The following BMP4 variants were observed in gnomAD, a reference collection of about 807,000 sequenced individuals.
BMP4 encodes the protein bone morphogenetic protein 4, also known as bone morphogenetic protein 2B.
In BMP4, 3 loss-of-function variants were observed where a neutral mutation model predicts 29.6. That is an observed-to-expected ratio of 0.10 (90% CI 0.05 to 0.26). The LOEUF is 0.26. Ranked by LOEUF, BMP4 falls within the 10% of genes least tolerant of loss-of-function variation. BMP4 has a pLI of 1.00. For synonymous variants in BMP4, 197 were observed against 213.2 expected, an observed-to-expected ratio of 0.92 and a Z score of 0.66; for missense variants, 455 against 550.2, an observed-to-expected ratio of 0.83 and a Z score of 1.73.
chr14:53,956,418 C>T (rs1196894234), intron 1 of BMP4, 132 bp downstream of exon 1: 3 of 398,058 alleles, frequency 7.5e-6, no homozygotes, highest in Non-Finnish European at 1.3e-5. Context: ...AGCATCCCCA[C>T]CTCCAGCACC....
rs552812064 is a variant in BMP4 at position 53,955,718 on chromosome 14, C to T, written c.-133+832G>A. The T allele has an allele frequency of 6.6e-6, 1 of 152,310 alleles. No homozygotes were observed. The highest frequency in any genetic ancestry group is 2.1e-4 in the South Asian group (1 of 4,830). The allele number at this position is 152,310 out of a possible 1,614,324, so 9.4% of individuals were successfully genotyped here. A position where few individuals can be genotyped will look rare whatever the true frequency, so the allele number is the denominator to read the frequency against. ...CGGACCAACTCCCGCTGGAAGAAGCCTGCAGGGACTCGGGAATCACGGGAA... is the reference window on the plus strand; with the variant it reads ...CGGACCAACTCCCGCTGGAAGAAGCTTGCAGGGACTCGGGAATCACGGGAA... On this transcript the variant is annotated intron_variant, in intron 1 of 3. Transcript: ENST00000245451. This position sits in a 1 kb window ranked among gnomAD's most constrained non-coding sequence, Gnocchi z 4.0.
At chr14:53,953,448 T>C (rs753793078) in intron 1 of BMP4, 48 bp from the exon 2 acceptor site, 4 of 398,472 alleles carry the variant, frequency 1.0e-5, no homozygotes, top group African/African-American at 2.1e-5. Flanking sequence ...AGACAGGCTC[T>C]GTTTTTCTTC....
intron 3 of BMP4, chr14:53,951,553 G>A (rs2140236877): frequency 2.7e-6 from 1 of 375,400 alleles, no homozygotes; most frequent in Admixed American, 4.2e-5. Flanking sequence ...TTCAGTAGGT[G>A]CTTTGAAAAA....
chr14:53,949,971 T>C lies in BMP4; in HGVS notation c.*61A>G. On this transcript the variant is annotated 3_prime_UTR_variant, in exon 4 of 4. Transcript: ENST00000245451. ...GTGAGTGGATGGGAACGTGTGTGTG[T>C]GGTGTATGTGGTGTGTGTGTGTGGT... 1 of 1,577,272 alleles carries C rather than the reference T, an allele frequency of 6.3e-7. No individual in the cohort carries two copies. Among genetic ancestry groups the C allele is most frequent in the Non-Finnish European group, 8.7e-7 (1 of 1,152,494 alleles).
rs1895658573 is a variant in BMP4 at position 53,955,065 on chromosome 14, G to GCGCCCGGCAAGAGC, written c.-133+1471_-133+1484dup. On this transcript the variant is annotated intron_variant, in intron 1 of 3. Transcript: ENST00000245451. This position sits in a 1 kb window ranked among gnomAD's most constrained non-coding sequence, Gnocchi z 4.0. ...CGCGGGCGCCCCTGCGCGACCGTCCGCGCCCGGCAAGAGCCGCGCGGCTTT... is the reference window on the plus strand; with the variant it reads ...CGCGGGCGCCCCTGCGCGACCGTCCGCGCCCGGCAAGAGCCGCCCGGCAAGAGCCGCGCGGCTTT... Among the ~76,000 whole-genome samples the GCGCCCGGCAAGAGC allele has an allele frequency of 6.6e-6, 1 of 152,220 alleles. No individual in the cohort carries two copies. The highest frequency in any genetic ancestry group is 1.5e-5 in the Non-Finnish European group (1 of 68,036).
Position 53,951,920 on chromosome 14 carries a change from G to T in BMP4, c.303C>A (p.Ser101Arg), listed in dbSNP as rs1196073983. The T allele has an allele frequency of 6.2e-7, 1 of 1,604,600 alleles. No individual in the cohort carries two copies. The highest frequency in any genetic ancestry group is 1.1e-5 in the South Asian group (1 of 91,084). The stretch of plus-strand genomic sequence containing the variant: ...GGCGCTCAGGATACTCAAGACCAGT[G>T]CTGTGGATCTGCTCTTCCTCCTCCT... ...SGEEEEEQIH[S>R]TGLEYPERPA... The change falls in exon 3 of 4, where the codon AGC becomes AGA. Residue 101 changes from serine to arginine, a missense_variant. Physicochemically the swap from Ser to Arg is moderately radical, Grantham distance 110 (BLOSUM62 -1). Transcript: ENST00000245451.
chr14:53,953,822 G>A lies in BMP4; in HGVS notation c.-132-422C>T, dbSNP rs538671235. Among the ~76,000 whole-genome samples the A allele has an allele frequency of 2.6e-5, 4 of 152,116 alleles. 1 individual carries two copies. The East Asian group carries it at 7.8e-4, about 30-fold the overall frequency. ...CCCAGCTCGAACCCGGCTTAAGTGGGGCCGGGAGCGAGGTCGGGAAAGTCT... is the reference window on the plus strand; with the variant it reads ...CCCAGCTCGAACCCGGCTTAAGTGGAGCCGGGAGCGAGGTCGGGAAAGTCT... On this transcript the variant is annotated intron_variant, in intron 1 of 3. Transcript: ENST00000245451.
rs763977479 is a variant in BMP4 at position 53,951,766 on chromosome 14, C to T, written c.370+87G>A. 9.7e-6 allele frequency: 15 copies of T among 1,546,748 alleles called. No homozygotes were observed. In the Middle Eastern group the frequency reaches 2.1e-3, roughly 221 times the overall value. ...CTCCTGGACTGGGGCTTTGATGTAA[C>T]CCGAACTCTTCTTCCCCAGGGCTTT... On this transcript the variant is annotated intron_variant, in intron 3 of 3. Coordinates refer to ENST00000245451, the MANE Select transcript of BMP4 (RefSeq NM_001202.6).
At chr14:53,952,772 G>A (rs1397515672) in intron 2 of BMP4, among the ~76,000 whole-genome samples, 4 of 152,186 alleles carry the variant, frequency 2.6e-5, no homozygotes, top group Non-Finnish European at 5.9e-5. Flanking sequence ...TCCAGAAGCC[G>A]AGAAGGTGGT....
chr14:53,956,725 G>A lies in BMP4; in HGVS notation c.-308C>T, dbSNP rs1355943956. The A allele has an allele frequency of 5.0e-6, 2 of 399,126 alleles. No homozygotes were observed. Among genetic ancestry groups the A allele is most frequent in the East Asian group, 3.6e-5 (1 of 28,076 alleles). The allele number at this position is 399,126 out of a possible 1,614,324, so 24.7% of individuals were successfully genotyped here. A position where few individuals can be genotyped will look rare whatever the true frequency, so the allele number is the denominator to read the frequency against. On this transcript the variant is annotated 5_prime_UTR_variant, in exon 1 of 4. Coordinates refer to ENST00000245451, the MANE Select transcript of BMP4 (RefSeq NM_001202.6). The stretch of plus-strand genomic sequence containing the variant: ...CAGCCGGAGCAGCAGCGGCGTCTCA[G>A]GCTCGCGTCCCTCAGCTCGGATGCC...
intron 3 of BMP4, chr14:53,951,547 G>A (rs1392585416): frequency 5.5e-6 from 2 of 365,602 alleles, no homozygotes; most frequent in Non-Finnish European, 1.0e-5. Flanking sequence ...ATTAAATTCA[G>A]TAGGTGCTTT....
Position 53,949,933 on chromosome 14 carries a change from G to T in BMP4, c.*99C>A, listed in dbSNP as rs1444335412. The T allele has an allele frequency of 8.1e-6, 10 of 1,228,302 alleles. No individual in the cohort carries two copies. The highest frequency in any genetic ancestry group is 5.1e-5 in the South Asian group (4 of 77,920). 76.1% of individuals were successfully genotyped at this position (1,228,302 alleles called of 1,614,324 possible). ...AAGTCCAGCTATAAGGAAGCAGTCT[G>T]TGTAGTGTGTGGGTGAGTGGATGGG... On this transcript the variant is annotated 3_prime_UTR_variant, in exon 4 of 4. Transcript: ENST00000245451.
chr14:53,954,901 C>T lies in BMP4; in HGVS notation c.-132-1501G>A, dbSNP rs76953585. 0.054 allele frequency among the ~76,000 whole-genome samples: 8,293 copies of T among 152,294 alleles called. 491 individuals carry two copies. Among genetic ancestry groups the T allele is most frequent in the African/African-American group, 0.14 (5,931 of 41,540 alleles). On this transcript the variant is annotated intron_variant, in intron 1 of 3. Coordinates refer to ENST00000245451, the MANE Select transcript of BMP4 (RefSeq NM_001202.6). This position sits in a 1 kb window ranked among gnomAD's most constrained non-coding sequence, Gnocchi z 4.8. ...GGGTTGCCTGCCGCCCCACTCTCCA[C>T]GCACATACTTGGTTTTCTTCTTAGG...
chr14:53,952,873 A>G (rs1010871045), intron 2 of BMP4, among the ~76,000 whole-genome samples: 2 of 152,166 alleles, frequency 1.3e-5, no homozygotes, highest in Non-Finnish European at 2.9e-5. Flanking sequence ...GTGCCCGCTC[A>G]TCCCCAGGGA....
rs1352265535 is a variant in BMP4 at position 53,954,398 on chromosome 14, C to G, written c.-132-998G>C. 1 of 152,102 alleles carries G rather than the reference C, an allele frequency of 6.6e-6. No homozygotes were observed. The highest frequency in any genetic ancestry group is 2.4e-5 in the African/African-American group (1 of 41,408). 9.4% of individuals were successfully genotyped at this position (152,102 alleles called of 1,614,324 possible). ...TGGCCGAGGTTTTACAACTCCCGAC[C>G]CGGCGCAGAAAGGAAATCCCACCAT... On this transcript the variant is annotated intron_variant, in intron 1 of 3. Transcript: ENST00000245451. This position sits in a 1 kb window ranked among gnomAD's most constrained non-coding sequence, Gnocchi z 4.8.
chr14:53,951,826 C>T, intron 3 of BMP4, 27 bp downstream of exon 3: 1 of 1,598,006 alleles, frequency 6.3e-7, no homozygotes, highest in Non-Finnish European at 8.5e-7. Flanking sequence ...CAGCCCTCCC[C>T]CACGCAGACT....
chr14:53,951,953 C>T lies in BMP4; in HGVS notation c.270G>A (p.Gln90=). ...TCTGCTCTTCCTCCTCCTCCCCAGA[C>T]TGAAGCCGGTAAAGATCCCGCATGT... The part of the protein sequence containing the change: ...PDYMRDLYRL[Q]SGEEEEEQIH... Residue 90 remains glutamine (Q), a synonymous_variant, in exon 3 of 4, where the codon CAG becomes CAA. Coordinates refer to ENST00000245451, the MANE Select transcript of BMP4 (RefSeq NM_001202.6). 6.2e-7 allele frequency: 1 copy of T among 1,610,274 alleles called. No homozygotes were observed. The highest frequency in any genetic ancestry group is 8.5e-7 in the Non-Finnish European group (1 of 1,180,006).
chr14:53,952,075 T>C lies in BMP4; in HGVS notation c.148A>G (p.Ser50Gly). The C allele has an allele frequency of 6.2e-7, 1 of 1,614,156 alleles. No homozygotes were observed. The highest frequency in any genetic ancestry group is 8.5e-7 in the Non-Finnish European group (1 of 1,180,026). Residue 50 changes from serine to glycine, a missense_variant, in exon 3 of 4, where the codon AGC (serine) becomes GGC (glycine). By Grantham distance (56) the Ser-to-Gly change is moderately conservative. This residue lies in a region of BMP4 where 249 missense variants were observed against 284.6 expected (regional missense o/e 0.87). Coordinates refer to ENST00000245451, the MANE Select transcript of BMP4 (RefSeq NM_001202.6). The stretch of plus-strand genomic sequence containing the variant: ...TCGAAGTCCCGCAGGAGCTCATGGC[T>C]CTGCCCTGAGCGGCGTCCTCCCGCG... ...GHAGGRRSGQ[S>G]HELLRDFEAT...
At position 53,956,536 on chromosome 14, in the gene BMP4, G is replaced by A. The variant is rs147921715; in HGVS notation, c.-133+14C>T. 7 of 399,546 alleles carry A rather than the reference G, an allele frequency of 1.8e-5. No homozygotes were observed. Among genetic ancestry groups the A allele is most frequent in the African/African-American group, 1.2e-4 (6 of 48,734 alleles). 24.8% of individuals were successfully genotyped at this position (399,546 alleles called of 1,614,324 possible). A position where few individuals can be genotyped will look rare whatever the true frequency, so the allele number is the denominator to read the frequency against. On this transcript the variant is annotated intron_variant, in intron 1 of 3. Transcript: ENST00000245451. ...CCCTCTGCCTGTCTCCCCTCACCAG[G>A]TAGCCTTGCTCACCATAGGTCCCTG... is the stretch of plus-strand genomic sequence containing the variant.
Sources: allele counts gnomAD v4.1 joint callset (sites outside exome capture counted in the v4.1 genomes callset), GRCh38; gene constraint gnomAD v4.1.1; regional missense constraint gnomAD v4.1.1; non-coding constraint Gnocchi (gnomAD v3.1); transcripts MANE v1.5; gene names NCBI Gene and HGNC (gene_info 2026-07-23, HGNC 2026-07-21).